The following GNB1L variants were observed in gnomAD, a reference collection of about 807,000 sequenced individuals.
GNB1L encodes the protein G protein subunit beta 1 like, also known as guanine nucleotide-binding protein subunit beta-like protein 1.
A neutral mutation model predicts 29.1 loss-of-function variants in GNB1L; 20 were observed. That is an observed-to-expected ratio of 0.69 (90% CI 0.48 to 1.00). The LOEUF is 1.00. GNB1L is among the 50% of genes least tolerant of loss of function. GNB1L has a pLI of 0.00. For missense variants in GNB1L, 421 were observed against 464.9 expected (o/e 0.91, Z 0.87); for synonymous variants, 193 against 206.5 (o/e 0.93, Z 0.56).
chr22:19,811,964 G>A (rs1006637905), intron 5 of GNB1L, among the ~76,000 whole-genome samples: 10 of 152,078 alleles, frequency 6.6e-5, no homozygotes, highest in African/African-American at 1.9e-4. Context: ...TGCCGGCCTC[G>A]GGCCTCCATG....
At chr22:19,798,395 G>A (rs1244487996) in intron 7 of GNB1L, among the ~76,000 whole-genome samples, 1 of 152,178 alleles carries the variant, frequency 6.6e-6, no homozygotes, top group Non-Finnish European at 1.5e-5. Flanking sequence ...TCTGCCCTAA[G>A]TCAGTGGTAG....
At chr22:19,847,510 C>A in intron 2 of GNB1L, 1 of 985,394 alleles carries the variant, frequency 1.0e-6, no homozygotes, top group South Asian at 4.7e-5. Context: ...AGGAAAAACT[C>A]TGGTCACAGC....
chr22:19,801,176 C>T (rs957444400), intron 7 of GNB1L, among the ~76,000 whole-genome samples: 1 of 152,176 alleles, frequency 6.6e-6, no homozygotes, highest in African/African-American at 2.4e-5. Context: ...GGCCCTTCAC[C>T]CACTAGACTG....
At chr22:19,827,016 G>A (rs973034369) in intron 2 of GNB1L, among the ~76,000 whole-genome samples, 10 of 152,116 alleles carry the variant, frequency 6.6e-5, no homozygotes, top group African/African-American at 1.9e-4. Flanking sequence ...GACCAAACAT[G>A]ACATATAAAC....
At chr22:19,818,139 G>A (rs1017951699) in intron 4 of GNB1L, among the ~76,000 whole-genome samples, 3 of 152,194 alleles carry the variant, frequency 2.0e-5, no homozygotes, top group Non-Finnish European at 4.4e-5. Context: ...CCCCTGACCC[G>A]TGGCTGGCTC....
chr22:19,847,755 C>A, intron 2 of GNB1L: 1 of 965,022 alleles, frequency 1.0e-6, no homozygotes, highest in Non-Finnish European at 1.2e-6. Context: ...CTTCTCCATA[C>A]CTCCACAACT....
At chr22:19,801,616 C>T (rs933513093) in intron 7 of GNB1L, among the ~76,000 whole-genome samples, 1 of 152,232 alleles carries the variant, frequency 6.6e-6, no homozygotes, top group Middle Eastern at 3.4e-3. Context: ...CTCCAGACCA[C>T]CACGGGGGCT....
In GNB1L at chr22:19,816,569, G is replaced by C. The variant is rs914914928; in HGVS notation, c.254+4029C>G. Among the ~76,000 whole-genome samples, 5 of 152,010 alleles carry C rather than the reference G, an allele frequency of 3.3e-5. No individual in the cohort carries two copies. Among genetic ancestry groups the C allele is most frequent in the Non-Finnish European group, 5.9e-5 (4 of 67,994 alleles). ...AGCCACCAGGCCCCTCCGCACACGGGCTAGGGAACACACACATGCCTCACA... is the reference window on the plus strand; with the variant it reads ...AGCCACCAGGCCCCTCCGCACACGGCCTAGGGAACACACACATGCCTCACA... On this transcript the variant is annotated intron_variant, in intron 4 of 7. Coordinates refer to ENST00000329517, the MANE Select transcript of GNB1L (RefSeq NM_053004.3). The surrounding 1 kb of genome is among the most constrained non-coding windows in gnomAD (Gnocchi z 4.4).
rs5748441 is a variant in GNB1L, at chr22:19,802,189, G to A, written c.544C>T (p.Leu182=). 2 of 1,613,042 alleles carry A rather than the reference G, an allele frequency of 1.2e-6. No homozygotes were observed. Among genetic ancestry groups the A allele is most frequent in the Non-Finnish European group, 1.7e-6 (2 of 1,180,004 alleles). The change falls in exon 7 of 8, where the codon CTG becomes TTG. Residue 182 remains leucine (L), a synonymous_variant. Coordinates refer to ENST00000329517, the MANE Select transcript of GNB1L (RefSeq NM_053004.3). Reference sequence around the variant, plus strand: ...ACCGATCCATCCTCATAGCCGGCCAGAAGGAGTGGGCGGGAGCTGCAGTCG... The same window carrying A: ...ACCGATCCATCCTCATAGCCGGCCAAAAGGAGTGGGCGGGAGCTGCAGTCG... ...QADCSSRPLL[L]AGYEDGSVVL...
chr22:19,820,087 C>T (rs1937566104), intron 4 of GNB1L, among the ~76,000 whole-genome samples: 1 of 152,162 alleles, frequency 6.6e-6, no homozygotes, highest in Non-Finnish European at 1.5e-5. Context: ...CCTAGGGCCT[C>T]CACCGGCACC....
At chr22:19,845,891 A>C (rs747755945) in intron 2 of GNB1L, among the ~76,000 whole-genome samples, 3 of 152,230 alleles carry the variant, frequency 2.0e-5, no homozygotes, top group Non-Finnish European at 1.5e-5. Flanking sequence ...CAACTTGAAA[A>C]ATGGGGACAT....
At chr22:19,808,745 G>A (rs574672389) in intron 5 of GNB1L, among the ~76,000 whole-genome samples, 1 of 152,368 alleles carries the variant, frequency 6.6e-6, no homozygotes, top group Non-Finnish European at 1.5e-5. Context: ...CTTAGGATCA[G>A]CATGGCCACT....
At position 19,821,326 on chromosome 22, in the gene GNB1L, T is replaced by C. The variant is rs779406225; in HGVS notation, c.30A>G (p.Pro10=). ...TGCCTCGGAGGACAAACTGGGGGTC[T>C]GGAGGTGGCGGCGGGCAGGGGGCCG... MTAPCPPPP[P]DPQFVLRGTQ... Residue 10 remains proline, a synonymous_variant, in exon 3 of 8, where the codon CCA becomes CCG. Coordinates refer to ENST00000329517, the MANE Select transcript of GNB1L (RefSeq NM_053004.3). The C allele has an allele frequency of 7.4e-6, 12 of 1,612,962 alleles. No homozygotes were observed. The highest frequency in any genetic ancestry group is 1.6e-4 in the Middle Eastern group (1 of 6,082).
chr22:19,853,108 C>G (rs1269333366), intron 2 of GNB1L, among the ~76,000 whole-genome samples: 8 of 152,106 alleles, frequency 5.3e-5, no homozygotes, highest in Non-Finnish European at 1.0e-4. Context: ...CCCTCCTGAC[C>G]CCACATGCTT....
At chr22:19,824,779 G>C (rs988968591) in intron 2 of GNB1L, among the ~76,000 whole-genome samples, 1 of 152,192 alleles carries the variant, frequency 6.6e-6, no homozygotes, top group Non-Finnish European at 1.5e-5. Flanking sequence ...TGTCCTGCTG[G>C]CGCAAACCCA....
At chr22:19,837,023 GT>G (rs1001550808) in intron 2 of GNB1L, among the ~76,000 whole-genome samples, 18 of 150,684 alleles carry the variant, frequency 1.2e-4, no homozygotes, top group Admixed American at 9.9e-4. Context: ...CTGGAGTGCA[GT>G]GGCGCGATCT....
intron 2 of GNB1L, among the ~76,000 whole-genome samples, chr22:19,822,055 G>T (rs1030681967): frequency 6.6e-6 from 1 of 152,126 alleles, no homozygotes; most frequent in Non-Finnish European, 1.5e-5. Flanking sequence ...GGTCCCGGGG[G>T]GCTGCTAGGA....
At chr22:19,850,010 T>C in intron 2 of GNB1L, 1 of 985,656 alleles carries the variant, frequency 1.0e-6, no homozygotes, top group Non-Finnish European at 1.2e-6. Flanking sequence ...GACTGCTGCC[T>C]GGTCCTCACT....
At chr22:19,804,153 C>T (rs531955787) in intron 6 of GNB1L, among the ~76,000 whole-genome samples, 51 of 152,366 alleles carry the variant, frequency 3.3e-4, no homozygotes, top group African/African-American at 1.1e-3. Flanking sequence ...ATACCACAGG[C>T]CGGGCAGTCC....
Sources: allele counts gnomAD v4.1 joint callset (sites outside exome capture counted in the v4.1 genomes callset), GRCh38; gene constraint gnomAD v4.1.1; non-coding constraint Gnocchi (gnomAD v3.1); transcripts MANE v1.5; gene names NCBI Gene and HGNC (gene_info 2026-07-23, HGNC 2026-07-21).